UNC13B: variants seen among roughly 807,000 people sequenced by gnomAD.
UNC13B encodes unc-13 homolog B.
A neutral mutation model predicts 211.0 loss-of-function variants in UNC13B; 144 were observed. The observed-to-expected ratio is 0.68, with a 90% CI of 0.60 to 0.78. UNC13B has a LOEUF of 0.78. Ranked by LOEUF, UNC13B falls within the 30% of genes least tolerant of loss-of-function variation. UNC13B has a pLI of 0.00. For missense variants in UNC13B, 1,777 were observed against 2,002.0 expected (o/e 0.89, Z 2.14); for synonymous variants, 709 against 725.8 (o/e 0.98, Z 0.37).
Position 35,403,840 on chromosome 9 carries a change from T to G in UNC13B, c.12830T>G (p.Leu4277Arg). 2 of 1,614,188 alleles carry G rather than the reference T, an allele frequency of 1.2e-6. No homozygotes were observed. Among genetic ancestry groups the G allele is most frequent in the Non-Finnish European group, 1.7e-6 (2 of 1,180,034 alleles). The change falls in exon 40 of 40, where the codon CTG becomes CGG. Residue 4277 changes from leucine (L) to arginine (R), a missense_variant. Coordinates refer to ENST00000635942, the MANE Select transcript of UNC13B (RefSeq NM_001371189.2). The part of the protein sequence containing the change: ...CFAREDRVLG[L>R]AVMPLRDVTA... ...GCCCGGGAAGATCGCGTGCTAGGGC[T>G]GGCTGTGATGCCTCTGAGGGATGTC...
chr9:35,228,113 T>A (rs1332070779), intron 2 of UNC13B, 69 bp downstream of exon 2: 7 of 1,357,696 alleles, frequency 5.2e-6, no homozygotes, highest in African/African-American at 3.0e-5. Flanking sequence ...TTTAAAAAAA[T>A]TATTAATTCA....
At chr9:35,258,634 T>G (rs967247861) in intron 6 of UNC13B, among the ~76,000 whole-genome samples, 13 of 152,212 alleles carry the variant, frequency 8.5e-5, no homozygotes, top group Middle Eastern at 3.2e-3. Flanking sequence ...TGGGGAAATC[T>G]TCTATACATT....
Position 35,200,827 on chromosome 9 carries a change from T to G in UNC13B, c.23-27188T>G, listed in dbSNP as rs1408879897. Among the ~76,000 whole-genome samples, 8 of 152,316 alleles carry G rather than the reference T, an allele frequency of 5.3e-5. No individual in the cohort carries two copies. The South Asian group carries it at 1.0e-3, about 20-fold the overall frequency. On this transcript the variant is annotated intron_variant, in intron 1 of 39. Coordinates refer to ENST00000635942, the MANE Select transcript of UNC13B (RefSeq NM_001371189.2). Reference sequence around the variant, plus strand: ...CTTTTCCTAATTGAATACCCTTTATTTCTTTCTCTTGCCTGATTGCCCTGG... The same window carrying G: ...CTTTTCCTAATTGAATACCCTTTATGTCTTTCTCTTGCCTGATTGCCCTGG...
chr9:35,256,134 C>T (rs1826867903), intron 6 of UNC13B, among the ~76,000 whole-genome samples: 2 of 152,120 alleles, frequency 1.3e-5, no homozygotes, highest in Non-Finnish European at 2.9e-5. Context: ...TTATTATTAA[C>T]TAAAGAGTAT....
At chr9:35,174,865 C>A (rs961618272) in intron 1 of UNC13B, among the ~76,000 whole-genome samples, 2 of 151,360 alleles carry the variant, frequency 1.3e-5, no homozygotes, top group African/African-American at 4.9e-5. Flanking sequence ...GGATTACAGG[C>A]ATGAGCCACC....
At chr9:35,364,497 ACT>A in intron 11 of UNC13B, 1 of 1,533,762 alleles carries the variant, frequency 6.5e-7, no homozygotes, top group Non-Finnish European at 8.7e-7. Flanking sequence ...TATAGGACTG[ACT>A]CTACTAACCT....
rs373846094 is a variant in UNC13B at position 35,295,831 on chromosome 9, G to A, written c.662G>A (p.Arg221Gln). ...GTGCACCAGTTCCCTGTGCCGGTGC[G>A]ATCGCCACAGCAGCTGCTACTTCAA... ...ASVHQFPVPVRSPQQLLLQGS... is the reference protein window; with the variant it reads ...ASVHQFPVPVQSPQQLLLQGS... The change falls in exon 8 of 40, where the codon CGA becomes CAA. Residue 221 changes from arginine to glutamine, a missense_variant. By Grantham distance (43) the Arg-to-Gln change is conservative. Coordinates refer to ENST00000635942, the MANE Select transcript of UNC13B (RefSeq NM_001371189.2). 3.3e-5 allele frequency: 53 copies of A among 1,613,982 alleles called. No individual in the cohort carries two copies. Among genetic ancestry groups the A allele is most frequent in the East Asian group, 2.0e-4 (9 of 44,898 alleles).
chr9:35,201,377 T>C (rs915146133), intron 1 of UNC13B, among the ~76,000 whole-genome samples: 7 of 152,234 alleles, frequency 4.6e-5, no homozygotes, highest in African/African-American at 1.7e-4. Context: ...ATTCCCTCTT[T>C]TTCTATTGAT....
rs969163262 is a variant in UNC13B at position 35,304,916 on chromosome 9, A to T, written c.5512A>T (p.Arg1838Trp). ...VQHPELIKNI[R>W]QEFSLNKNNH... ...GCATCCAGAATTGATCAAAAATATAAGGCAAGAATTCTCTTTAAATAAAAA... is the reference window on the plus strand; with the variant it reads ...GCATCCAGAATTGATCAAAAATATATGGCAAGAATTCTCTTTAAATAAAAA... Residue 1838 changes from arginine to tryptophan, a missense_variant, in exon 9 of 40, where the codon AGG (arginine) becomes TGG (tryptophan). Arg to Trp is a moderately radical substitution (Grantham distance 101). Transcript: ENST00000635942. The T allele has an allele frequency of 2.5e-6, 1 of 398,854 alleles. No homozygotes were observed. The highest frequency in any genetic ancestry group is 2.1e-5 in the African/African-American group (1 of 48,654). 24.7% of individuals were successfully genotyped at this position (398,854 alleles called of 1,614,324 possible).
intron 6 of UNC13B, among the ~76,000 whole-genome samples, chr9:35,246,962 A>G (rs1308295686): frequency 6.6e-6 from 1 of 152,076 alleles, no homozygotes; most frequent in Non-Finnish European, 1.5e-5. Context: ...CATTTTCATG[A>G]TATTGATTCT....
rs1829739292 is a variant in UNC13B at position 35,302,572 on chromosome 9, AT to A, written c.3171del (p.Phe1057LeufsTer4). On this transcript the variant is annotated frameshift_variant, in exon 9 of 40. Coordinates refer to ENST00000635942, the MANE Select transcript of UNC13B (RefSeq NM_001371189.2). LOFTEE classifies it high-confidence loss of function. ...VTNINNDLGKFGNIEELNPSD... is the reference protein window; with the variant it reads ...VTNINNDLGKXGNIEELNPSD... ...CAAATATTAATAATGATCTGGGGAA[AT>A]TTGGGAATATAGAGGAATTAAATCC... is the stretch of plus-strand genomic sequence containing the variant. 3 of 398,652 alleles carry A rather than the reference AT, an allele frequency of 7.5e-6. No homozygotes were observed. Among genetic ancestry groups the A allele is most frequent in the Non-Finnish European group, 8.9e-6 (2 of 225,756 alleles). The allele number at this position is 398,652 out of a possible 1,614,324, so 24.7% of individuals were successfully genotyped here.
At chr9:35,250,250 C>T (rs1486420451) in intron 6 of UNC13B, among the ~76,000 whole-genome samples, 1 of 152,136 alleles carries the variant, frequency 6.6e-6, no homozygotes, top group East Asian at 1.9e-4. Context: ...CATAGTTGTG[C>T]CCATGGATAT....
At chr9:35,271,867 C>A (rs956080693) in intron 7 of UNC13B, among the ~76,000 whole-genome samples, 1 of 152,170 alleles carries the variant, frequency 6.6e-6, no homozygotes, top group African/African-American at 2.4e-5. Flanking sequence ...TCCTGGCCAA[C>A]GTGGTGAAAC....
intron 10 of UNC13B, among the ~76,000 whole-genome samples, chr9:35,312,175 A>G (rs930848917): frequency 4.6e-5 from 7 of 152,212 alleles, no homozygotes; most frequent in Admixed American, 1.3e-4. Context: ...TAGAGTTTCA[A>G]ATTTCAAGAT....
rs1407015990 is a variant in UNC13B at position 35,183,345 on chromosome 9, T to C, written c.22+21040T>C. ...CAGCCGGGCAGAGGCGCCCCTCACC[T>C]CCCAGGCGGGGCGGCCGGGCAGAGG... On this transcript the variant is annotated intron_variant, in intron 1 of 39. Coordinates refer to ENST00000635942, the MANE Select transcript of UNC13B (RefSeq NM_001371189.2). Among the ~76,000 whole-genome samples, 2 of 131,440 alleles carry C rather than the reference T, an allele frequency of 1.5e-5. 1 individual carries two copies. 86.2% of individuals were successfully genotyped at this position (131,440 alleles called of 152,430 possible).
chr9:35,364,560 C>A, intron 11 of UNC13B: 1 of 1,536,040 alleles, frequency 6.5e-7, no homozygotes, highest in Non-Finnish European at 8.7e-7. Flanking sequence ...AAGCGAGGAG[C>A]CCTTCAGGTT....
chr9:35,400,051 C>T (rs1836188182), intron 36 of UNC13B, among the ~76,000 whole-genome samples: 1 of 152,152 alleles, frequency 6.6e-6, no homozygotes, highest in Non-Finnish European at 1.5e-5. Flanking sequence ...GTTTCTATTC[C>T]ATTTCTGTGC....
intron 11 of UNC13B, among the ~76,000 whole-genome samples, chr9:35,345,206 T>G (rs1832274827): frequency 6.6e-6 from 1 of 152,100 alleles, no homozygotes; most frequent in South Asian, 2.1e-4. Flanking sequence ...AAAAAATTAT[T>G]TTGACACTTG....
chr9:35,303,845 C>T lies in UNC13B; in HGVS notation c.4441C>T (p.His1481Tyr), dbSNP rs2131834804. The T allele has an allele frequency of 2.5e-6, 1 of 398,704 alleles. No individual in the cohort carries two copies. The highest frequency in any genetic ancestry group is 3.6e-5 in the East Asian group (1 of 28,062). The allele number at this position is 398,704 out of a possible 1,614,324, so 24.7% of individuals were successfully genotyped here. A position where few individuals can be genotyped will look rare whatever the true frequency, so the allele number is the denominator to read the frequency against. ...LPIDLSSSSD[H>Y]EKTTCPVVDQ... The stretch of plus-strand genomic sequence containing the variant: ...CATTGACTTAAGTTCTTCATCAGAT[C>T]ATGAAAAGACTACATGCCCCGTAGT... The change falls in exon 9 of 40, where the codon CAT becomes TAT. Residue 1481 changes from histidine to tyrosine, a missense_variant. Physicochemically the swap from His to Tyr is moderately conservative, Grantham distance 83 (BLOSUM62 2). Transcript: ENST00000635942.
Sources: allele counts gnomAD v4.1 joint callset (sites outside exome capture counted in the v4.1 genomes callset), GRCh38; gene constraint gnomAD v4.1.1; transcripts MANE v1.5; gene names NCBI Gene and HGNC (gene_info 2026-07-23, HGNC 2026-07-21).